CELSR1: variants seen among roughly 807,000 people sequenced by gnomAD.
The protein encoded by CELSR1 is cadherin EGF LAG seven-pass G-type receptor 1, also known as adhesion G protein-coupled receptor C1.
Under a neutral mutation model 249.1 loss-of-function variants are expected in CELSR1, and 110 were observed. The observed-to-expected ratio is 0.44, with a 90% CI of 0.38 to 0.52. The LOEUF is 0.52. Among genes scored for constraint, CELSR1 ranks in the 20% least tolerant of loss-of-function variants. CELSR1 has a pLI of 0.00. For missense variants in CELSR1, 4,109 were observed against 4,296.4 expected (o/e 0.96, Z 1.22); for synonymous variants, 2,113 against 1,900.0 (o/e 1.11, Z -2.92).
In CELSR1 at chr22:46,535,991, C is replaced by T. The variant is rs534966908; in HGVS notation, c.1180G>A (p.Gly394Arg). 3.7e-6 allele frequency: 6 copies of T among 1,610,848 alleles called. No individual in the cohort carries two copies. Among genetic ancestry groups the T allele is most frequent in the Non-Finnish European group, 5.1e-6 (6 of 1,179,922 alleles). ...INANLRYRVL[G>R]GAWDVFQLNE... Reference sequence around the variant, plus strand: ...AGCTGGAAGACGTCCCACGCGCCCCCCAACACGCGGTAACGCAAGTTGGCG... The same window carrying T: ...AGCTGGAAGACGTCCCACGCGCCCCTCAACACGCGGTAACGCAAGTTGGCG... Residue 394 changes from glycine (G) to arginine (R), a missense_variant, in exon 1 of 35, where the codon GGG becomes AGG. Around this residue, in one of 7 missense-constraint regions of CELSR1, gnomAD observed 673 missense variants for 636.8 expected, o/e 1.06. Coordinates refer to ENST00000674500, the MANE Select transcript of CELSR1 (RefSeq NM_001378328.1).
Position 46,408,869 on chromosome 22 carries a change from C to G in CELSR1, c.5226+127G>C. On this transcript the variant is annotated intron_variant, in intron 9 of 34. Coordinates refer to ENST00000674500, the MANE Select transcript of CELSR1 (RefSeq NM_001378328.1). This position sits in a 1 kb window ranked among gnomAD's most constrained non-coding sequence, Gnocchi z 4.6. ...TCCCCTTCCCCCTCTTCGGAGAACC[C>G]CAGGGGCGGGCGCCGGAGGAAGGGC... The G allele has an allele frequency of 2.8e-6, 2 of 726,534 alleles. No individual in the cohort carries two copies. The highest frequency in any genetic ancestry group is 4.4e-6 in the Non-Finnish European group (2 of 456,842). The allele number at this position is 726,534 out of a possible 1,614,324, so 45.0% of individuals were successfully genotyped here.
At chr22:46,444,059 C>T (rs746153753) in intron 2 of CELSR1, among the ~76,000 whole-genome samples, 1 of 152,232 alleles carries the variant, frequency 6.6e-6, no homozygotes, top group Non-Finnish European at 1.5e-5. Flanking sequence ...TTCTGTCTGT[C>T]CCAGGTAGTA....
chr22:46,497,430 C>A (rs933398796), intron 1 of CELSR1, among the ~76,000 whole-genome samples: 5 of 152,176 alleles, frequency 3.3e-5, no homozygotes, highest in African/African-American at 1.2e-4. Flanking sequence ...CAAGGAGAAT[C>A]TCTCTCCCCG....
Position 46,535,313 on chromosome 22 carries a change from T to C in CELSR1, c.1858A>G (p.Lys620Glu). Reference protein sequence around the residue: ...TFLGGGSAGPKNPAPTPDFPF... With the variant: ...TFLGGGSAGPENPAPTPDFPF... ...AAGTCAGGGGTGGGGGCAGGATTCTTAGGCCCAGCGCTGCCGCCCCCCAGA... is the reference window on the plus strand; with the variant it reads ...AAGTCAGGGGTGGGGGCAGGATTCTCAGGCCCAGCGCTGCCGCCCCCCAGA... The change falls in exon 1 of 35, where the codon AAG becomes GAG. Residue 620 changes from lysine to glutamate, a missense_variant. Around this residue, in one of 7 missense-constraint regions of CELSR1, gnomAD observed 886 missense variants for 896.5 expected, o/e 0.99. Coordinates refer to ENST00000674500, the MANE Select transcript of CELSR1 (RefSeq NM_001378328.1). 1 of 1,611,898 alleles carries C rather than the reference T, an allele frequency of 6.2e-7. No individual in the cohort carries two copies. The highest frequency in any genetic ancestry group is 8.5e-7 in the Non-Finnish European group (1 of 1,179,984).
Position 46,380,472 on chromosome 22 carries a change from C to G in CELSR1, c.7256+316G>C, listed in dbSNP as rs888071484. 2.4e-4 allele frequency among the ~76,000 whole-genome samples: 37 copies of G among 152,226 alleles called. No homozygotes were observed. The highest frequency in any genetic ancestry group is 8.9e-4 in the African/African-American group (37 of 41,462). On this transcript the variant is annotated intron_variant, in intron 22 of 34. Coordinates refer to ENST00000674500, the MANE Select transcript of CELSR1 (RefSeq NM_001378328.1). This position sits in a 1 kb window ranked among gnomAD's most constrained non-coding sequence, Gnocchi z 5.1. ...GAACTGGGCACTACACTAGTGTTGG[C>G]CGCTGCATGTCGGGAGTCCCGCAGG... is the stretch of plus-strand genomic sequence containing the variant.
chr22:46,507,988 C>A (rs945163294), intron 1 of CELSR1, among the ~76,000 whole-genome samples: 14 of 152,220 alleles, frequency 9.2e-5, no homozygotes, highest in African/African-American at 3.4e-4. Flanking sequence ...GGTGGGATAA[C>A]CATGCTGGGG....
At chr22:46,420,719 G>A (rs979955541) in intron 5 of CELSR1, among the ~76,000 whole-genome samples, 15 of 152,124 alleles carry the variant, frequency 9.9e-5, no homozygotes, top group African/African-American at 3.6e-4. Flanking sequence ...CTCTGTCCTC[G>A]ATCTGGGCCC....
At chr22:46,487,010 C>T (rs993868421) in intron 1 of CELSR1, among the ~76,000 whole-genome samples, 5 of 148,972 alleles carry the variant, frequency 3.4e-5, no homozygotes, top group Admixed American at 2.7e-4. Context: ...TGTCTGCTCC[C>T]GCCCCCTGCC....
At chr22:46,456,902 G>A (rs2079961280) in intron 2 of CELSR1, among the ~76,000 whole-genome samples, 1 of 119,088 alleles carries the variant, frequency 8.4e-6, no homozygotes, top group African/African-American at 3.4e-5. Flanking sequence ...GGGGCGGGGG[G>A]TGGGGGGCTC....
At chr22:46,465,964 C>G (rs2080092073) in intron 1 of CELSR1, among the ~76,000 whole-genome samples, 1 of 152,180 alleles carries the variant, frequency 6.6e-6, no homozygotes, top group Non-Finnish European at 1.5e-5. Context: ...CGTGGCAAGT[C>G]AGGACTCAGA....
chr22:46,510,772 G>A (rs2080565217), intron 1 of CELSR1, among the ~76,000 whole-genome samples: 1 of 152,268 alleles, frequency 6.6e-6, no homozygotes, highest in South Asian at 2.1e-4. Flanking sequence ...TTCCTATTCT[G>A]AAAAGCAACT....
At chr22:46,424,540 G>A (rs1219615930) in intron 5 of CELSR1, among the ~76,000 whole-genome samples, 3 of 152,060 alleles carry the variant, frequency 2.0e-5, no homozygotes, top group African/African-American at 7.2e-5. Context: ...TACAAACACT[G>A]ACACAGTCCA....
chr22:46,486,475 G>A (rs1273883342), intron 1 of CELSR1, among the ~76,000 whole-genome samples: 1 of 151,918 alleles, frequency 6.6e-6, no homozygotes, highest in African/African-American at 2.4e-5. Flanking sequence ...TTGAGCCTGG[G>A]AGGCAGAGGT....
chr22:46,443,976 C>G (rs1165144771), intron 2 of CELSR1, among the ~76,000 whole-genome samples: 1 of 152,276 alleles, frequency 6.6e-6, no homozygotes, highest in African/African-American at 2.4e-5. Flanking sequence ...CCGGGAGAGG[C>G]TGGGTGTACT....
At chr22:46,419,755 C>T (rs2147369602) in intron 5 of CELSR1, among the ~76,000 whole-genome samples, 1 of 151,952 alleles carries the variant, frequency 6.6e-6, no homozygotes, top group African/African-American at 2.4e-5. Context: ...CATACTCAAA[C>T]CCACACGTGC....
rs139245421 is a variant in CELSR1, at chr22:46,536,277, G to A, written c.894C>T (p.Ile298=). ...TGCTCACGGCGCCCGTGGCAGAGTC[G>A]ATTCGGAAGTAGCCCCGGGAGCGCT... ...FDERSRGYFR[I]DSATGAVSTD... The change falls in exon 1 of 35, where the codon ATC becomes ATT. Residue 298 remains isoleucine, a synonymous_variant. Transcript: ENST00000674500. 49 of 1,612,510 alleles carry A rather than the reference G, an allele frequency of 3.0e-5. No individual in the cohort carries two copies. The African/African-American group carries it at 6.4e-4, about 21-fold the overall frequency.
chr22:46,532,665 G>A (rs1267010099), intron 1 of CELSR1, among the ~76,000 whole-genome samples: 1 of 152,130 alleles, frequency 6.6e-6, no homozygotes, highest in Non-Finnish European at 1.5e-5. Context: ...CAGTAGTTTG[G>A]GCTTATAAAT....
Position 46,398,431 on chromosome 22 carries a change from C to T in CELSR1, c.5526+93G>A. On this transcript the variant is annotated intron_variant, in intron 11 of 34. Transcript: ENST00000674500. The surrounding 1 kb of genome is among the most constrained non-coding windows in gnomAD (Gnocchi z 7.2). ...AAATTCTTCACTCGTTGAAAGCTAA[C>T]AGGTTGACCAACGGAACCACCTATG... is the stretch of plus-strand genomic sequence containing the variant. 2.5e-6 allele frequency: 2 copies of T among 802,252 alleles called. No homozygotes were observed. Among genetic ancestry groups the T allele is most frequent in the South Asian group, 3.5e-5 (2 of 56,380 alleles). 49.7% of individuals were successfully genotyped at this position (802,252 alleles called of 1,614,324 possible).
At chr22:46,416,976 G>A (rs1000289649) in intron 5 of CELSR1, among the ~76,000 whole-genome samples, 4 of 151,250 alleles carry the variant, frequency 2.6e-5, no homozygotes, top group African/African-American at 7.3e-5. Flanking sequence ...AAGGCGGTGT[G>A]GGGGGGTGGG....
Sources: allele counts gnomAD v4.1 joint callset (sites outside exome capture counted in the v4.1 genomes callset), GRCh38; gene constraint gnomAD v4.1.1; regional missense constraint gnomAD v4.1.1; non-coding constraint Gnocchi (gnomAD v3.1); transcripts MANE v1.5; gene names NCBI Gene and HGNC (gene_info 2026-07-23, HGNC 2026-07-21).